FBXL22: variants seen among roughly 807,000 people sequenced by gnomAD.
FBXL22 encodes F-box and leucine-rich protein 22.
Under a neutral mutation model 11.7 loss-of-function variants are expected in FBXL22, and 13 were observed. The ratio of observed to expected loss-of-function variants is 1.11; its 90% CI spans 0.73 to 1.77. The LOEUF (loss-of-function observed/expected upper bound fraction) is 1.77, where lower values mean the gene tolerates loss of function less well. FBXL22 is among the 40% of genes most tolerant of loss of function. FBXL22 has a pLI of 0.00. For missense variants in FBXL22, 406 were observed against 320.4 expected, an observed-to-expected ratio of 1.27 and a Z score of -2.04; for synonymous variants, 160 against 144.1, an observed-to-expected ratio of 1.11 and a Z score of -0.79.
At chr15:63,605,635 T>C (rs1336856611), downstream of FBXL22, among the ~76,000 whole-genome samples, 2 of 152,226 alleles carry the variant, frequency 1.3e-5, no homozygotes, top group Non-Finnish European at 2.9e-5. Context: ...CCAGGGCTGA[T>C]GGAAGCCTGA....
At chr15:63,600,519 G>A in intron 1 of FBXL22, 178 bp from the exon 2 acceptor site, 1 of 1,228,776 alleles carries the variant, frequency 8.1e-7, no homozygotes, top group Non-Finnish European at 1.0e-6. Flanking sequence ...GGCAGAAAGA[G>A]GAGGGAAAAT....
At chr15:63,606,284 C>T (rs1038632833), downstream of FBXL22, among the ~76,000 whole-genome samples, 5 of 152,240 alleles carry the variant, frequency 3.3e-5, no homozygotes, top group African/African-American at 1.2e-4. Flanking sequence ...GGCCAGAAGT[C>T]CTGGGCAAAG....
chr15:63,608,081 C>A, the FBXL22 span, among the ~76,000 whole-genome samples: 55 of 152,382 alleles, frequency 3.6e-4, no homozygotes, highest in African/African-American at 1.3e-3. Flanking sequence ...CTCATTCACT[C>A]ATTGATACAT....
At chr15:63,599,634 C>A in intron 1 of FBXL22, 1 of 990,838 alleles carries the variant, frequency 1.0e-6, no homozygotes, top group Non-Finnish European at 1.2e-6. Flanking sequence ...AAGTTCCTTA[C>A]TTCCCTCCCC....
At chr15:63,605,373 G>C (rs2067408115), downstream of FBXL22, among the ~76,000 whole-genome samples, 1 of 152,178 alleles carries the variant, frequency 6.6e-6, no homozygotes, top group South Asian at 2.1e-4. Context: ...TGGGACTGGG[G>C]GATAGGGGGA....
downstream of FBXL22, among the ~76,000 whole-genome samples, chr15:63,604,382 A>AT (rs2152689324): frequency 6.6e-6 from 1 of 152,196 alleles, no homozygotes; most frequent in Admixed American, 6.5e-5. Flanking sequence ...TAACCCTCCA[A>AT]TGCCAACTAA....
intron 1 of FBXL22, chr15:63,599,272 G>A (rs1035818382): frequency 1.3e-5 from 20 of 1,518,822 alleles, no homozygotes; most frequent in East Asian, 4.9e-5. Flanking sequence ...AGGATGGCTG[G>A]GCAGGGGGAC....
At chr15:63,599,542 G>A (rs922944538) in intron 1 of FBXL22, 51 of 1,074,912 alleles carry the variant, frequency 4.7e-5, no homozygotes, top group Non-Finnish European at 5.2e-5. Flanking sequence ...GGGTGCAGAG[G>A]TTGACGGGGT....
At chr15:63,599,692 G>C in intron 1 of FBXL22, 4 of 986,794 alleles carry the variant, frequency 4.1e-6, no homozygotes, top group Non-Finnish European at 4.8e-6. Flanking sequence ...TCACGGAGCT[G>C]CGGGGGAGGC....
At chr15:63,607,978 A>G in the FBXL22 span, among the ~76,000 whole-genome samples, 1 of 152,258 alleles carries the variant, frequency 6.6e-6, no homozygotes, top group Admixed American at 6.5e-5. Flanking sequence ...AGCACCAAGA[A>G]TGTAACCCCT....
chr15:63,606,791 G>A (rs973531984), downstream of FBXL22, among the ~76,000 whole-genome samples: 1 of 152,200 alleles, frequency 6.6e-6, no homozygotes, highest in African/African-American at 2.4e-5. Context: ...CCCCTCACAG[G>A]GTCAAACCTG....
intron 1 of FBXL22, among the ~76,000 whole-genome samples, chr15:63,598,101 C>A (rs2067302615): frequency 6.6e-6 from 1 of 152,070 alleles, no homozygotes; most frequent in African/African-American, 2.4e-5. Flanking sequence ...ATCAGCTCAC[C>A]CCTCCATTAG....
chr15:63,601,606 C>T (rs750642288), downstream of FBXL22: 1 of 1,586,942 alleles, frequency 6.3e-7, no homozygotes, highest in Non-Finnish European at 8.6e-7. Flanking sequence ...AAGGAGCCAC[C>T]GAGCCGCTCC....
At chr15:63,606,534 T>A (rs1195246758), downstream of FBXL22, among the ~76,000 whole-genome samples, 4 of 152,138 alleles carry the variant, frequency 2.6e-5, no homozygotes, top group African/African-American at 9.7e-5. Context: ...CAGGGACTTG[T>A]GCTTCCCCCT....
downstream of FBXL22, among the ~76,000 whole-genome samples, chr15:63,606,362 A>G (rs1049769338): frequency 2.6e-5 from 4 of 152,238 alleles, no homozygotes; most frequent in Non-Finnish European, 5.9e-5. Context: ...CTTAAATTTT[A>G]AAAACTGATG....
downstream of FBXL22, among the ~76,000 whole-genome samples, chr15:63,606,437 G>C (rs1420392734): frequency 1.3e-5 from 2 of 152,192 alleles, no homozygotes; most frequent in Non-Finnish European, 2.9e-5. Flanking sequence ...AGTGAATGAG[G>C]CCAGCAAACA....
At chr15:63,607,267 G>T (rs1055906718), downstream of FBXL22, among the ~76,000 whole-genome samples, 4 of 152,064 alleles carry the variant, frequency 2.6e-5, no homozygotes, top group African/African-American at 9.7e-5. Flanking sequence ...GGATGGTCTC[G>T]ATCTCCTGAC....
chr15:63,603,072 A>G (rs966790918), downstream of FBXL22, among the ~76,000 whole-genome samples: 38 of 152,132 alleles, frequency 2.5e-4, no homozygotes, highest in Admixed American at 4.6e-4. Context: ...ACTGTATGCT[A>G]CTATTTAATT....
rs1314883125 is a variant in FBXL22 at position 63,597,551 on chromosome 15, C to T, written c.159C>T (p.His53=). 1.2e-6 allele frequency: 2 copies of T among 1,614,098 alleles called. No individual in the cohort carries two copies. Among genetic ancestry groups the T allele is most frequent in the East Asian group, 4.5e-5 (2 of 44,904 alleles). ...FEDPALWSLL[H]FRSLTELQKD... is the part of the protein sequence containing the mutation. ...ACCCCGCACTCTGGTCCCTGCTGCA[C>T]TTCCGTTCCCTCACTGAACTCCAGA... is the stretch of plus-strand genomic sequence containing the variant. Residue 53 remains histidine, a synonymous_variant, in exon 1 of 2, where the codon CAC becomes CAT. Transcript: ENST00000638704. This position sits in a 1 kb window ranked among gnomAD's most constrained non-coding sequence, Gnocchi z 4.3.
Sources: gnomAD v4.1 joint callset for allele counts (sites outside exome capture counted in the v4.1 genomes callset) on GRCh38, gnomAD v4.1.1 for gene constraint, Gnocchi (gnomAD v3.1) non-coding constraint, MANE v1.5 for transcripts, NCBI Gene and HGNC (gene_info 2026-07-23, HGNC 2026-07-21) for gene names.